Variants in HIPK3 observed in about 807,000 individuals in gnomAD.
HIPK3 encodes homeodomain interacting protein kinase 3.
In HIPK3, 47 loss-of-function variants were observed where a neutral mutation model predicts 124.2. The observed-to-expected ratio is 0.38, with a 90% CI of 0.30 to 0.48. HIPK3 has a LOEUF of 0.48. Among genes scored for constraint, HIPK3 ranks in the 20% least tolerant of loss-of-function variants. The probability of loss-of-function intolerance (pLI) is 0.98; values close to 1 mark genes in which losing one functional copy is unlikely to be tolerated. For synonymous variants in HIPK3, 482 were observed against 515.2 expected, an observed-to-expected ratio of 0.94 and a Z score of 0.87; for missense variants, 1,286 against 1,454.3, an observed-to-expected ratio of 0.88 and a Z score of 1.88.
chr11:33,265,264 A>G (rs1435878747), intron 1 of HIPK3, among the ~76,000 whole-genome samples: 15 of 152,156 alleles, frequency 9.9e-5, no homozygotes, highest in Non-Finnish European at 1.3e-4. Context: ...CTAATAAGAC[A>G]TTTTCAATGG....
intron 1 of HIPK3, among the ~76,000 whole-genome samples, chr11:33,263,788 C>A (rs954280709): frequency 2.6e-5 from 4 of 152,170 alleles, no homozygotes; most frequent in African/African-American, 9.7e-5. Flanking sequence ...CCAACCCCTT[C>A]CTCTTTCTGT....
chr11:33,348,284 G>A (rs1565098716), intron 12 of HIPK3, 56 bp downstream of exon 12: 4 of 1,487,526 alleles, frequency 2.7e-6, no homozygotes, highest in East Asian at 4.5e-5. Flanking sequence ...TGTAGCAATT[G>A]TGGACATTCA....
At position 33,348,216 on chromosome 11, in the gene HIPK3, A is replaced by G; in HGVS notation, c.2357A>G (p.Asn786Ser). 1.9e-6 allele frequency: 3 copies of G among 1,613,668 alleles called. No homozygotes were observed. The highest frequency in any genetic ancestry group is 2.5e-6 in the Non-Finnish European group (3 of 1,179,654). ...TGGGAGCCAGGAAGAGAGGAAATAA[A>G]TGCTTTCAGTTGGTAAGATTGTCTT... is the stretch of plus-strand genomic sequence containing the variant. ...MEWEPGREEI[N>S]AFSWSNSLQN... is the part of the protein sequence containing the mutation. Residue 786 changes from asparagine (N) to serine (S), a missense_variant, in exon 12 of 17, where the codon AAT becomes AGT. Transcript: ENST00000303296.
intron 1 of HIPK3, among the ~76,000 whole-genome samples, chr11:33,279,840 C>G (rs1315146784): frequency 6.6e-6 from 1 of 152,008 alleles, no homozygotes; most frequent in African/African-American, 2.4e-5. Flanking sequence ...AAAGATGGCG[C>G]CCTTTTGCTG....
At chr11:33,258,669 G>A (rs993762464) in intron 1 of HIPK3, 156 of 985,286 alleles carry the variant, frequency 1.6e-4, no homozygotes, top group Non-Finnish European at 4.8e-5. Context: ...TCTGTCGGGA[G>A]GGAGACGGCT....
At chr11:33,352,097 A>G (rs1417064993) in intron 15 of HIPK3, 41 bp from the exon 16 acceptor site, 2 of 1,569,468 alleles carry the variant, frequency 1.3e-6, no homozygotes, top group Non-Finnish European at 1.7e-6. Flanking sequence ...TTATTTGAAA[A>G]GGAAAAAGCA....
intron 1 of HIPK3, among the ~76,000 whole-genome samples, chr11:33,284,230 A>G (rs905004409): frequency 6.6e-6 from 1 of 152,104 alleles, no homozygotes; most frequent in Non-Finnish European, 1.5e-5. Context: ...AGATATTTCA[A>G]CCAACCAACA....
At chr11:33,339,253 C>T (rs1205955842) in intron 5 of HIPK3, 97 bp from the exon 6 acceptor site, 4 of 829,068 alleles carry the variant, frequency 4.8e-6, no homozygotes, top group South Asian at 1.8e-5. Context: ...CTCTCCTCTC[C>T]TGTGTTGTGA....
rs1853758365 is a variant in HIPK3 at position 33,354,356 on chromosome 11, A to T, written c.*788A>T. ...GAATGATCTAGCTTCAAGAAAAGCAAGCAGTTAGTAGTGCTTAAGAAAAAT... is the reference window on the plus strand; with the variant it reads ...GAATGATCTAGCTTCAAGAAAAGCATGCAGTTAGTAGTGCTTAAGAAAAAT... On this transcript the variant is annotated 3_prime_UTR_variant, in exon 17 of 17. Transcript: ENST00000303296. 1 of 152,642 alleles carries T rather than the reference A, an allele frequency of 6.6e-6. No homozygotes were observed. Among genetic ancestry groups the T allele is most frequent in the African/African-American group, 2.4e-5 (1 of 41,452 alleles). The allele number at this position is 152,642 out of a possible 1,614,324, so 9.5% of individuals were successfully genotyped here.
rs187385770 is a variant in HIPK3, at chr11:33,293,240, A to G, written c.1097+5729A>G. On this transcript the variant is annotated intron_variant, in intron 2 of 16. Coordinates refer to ENST00000303296, the MANE Select transcript of HIPK3 (RefSeq NM_005734.5). ...ATATAATCTACATACCTTGAAATTC[A>G]TTCATTTAAGTATACAATTTAATGG... 6.6e-5 allele frequency among the ~76,000 whole-genome samples: 10 copies of G among 152,222 alleles called. No homozygotes were observed. The East Asian group carries it at 1.3e-3, about 21-fold the overall frequency.
At chr11:33,348,885 T>C in intron 13 of HIPK3, 67 bp downstream of exon 13, 1 of 1,412,540 alleles carries the variant, frequency 7.1e-7, no homozygotes, top group African/African-American at 1.4e-5. Context: ...AAAAACAACT[T>C]TCTGTGACTT....
intron 2 of HIPK3, among the ~76,000 whole-genome samples, chr11:33,295,645 G>T (rs1272773422): frequency 1.3e-5 from 2 of 152,182 alleles, no homozygotes; most frequent in African/African-American, 2.4e-5. Context: ...CTTTTGAAGC[G>T]TACTGGCCAG....
chr11:33,330,662 A>G (rs1852950790), intron 3 of HIPK3, among the ~76,000 whole-genome samples: 2 of 152,184 alleles, frequency 1.3e-5, no homozygotes, highest in Non-Finnish European at 2.9e-5. Context: ...TACAAAATAC[A>G]TGAATGCAAA....
intron 1 of HIPK3, among the ~76,000 whole-genome samples, chr11:33,258,154 G>A (rs1042866201): frequency 2.0e-5 from 3 of 152,070 alleles, no homozygotes; most frequent in African/African-American, 7.2e-5. Flanking sequence ...CGCCGGACGC[G>A]GGGGCCGTAG....
At chr11:33,349,081 A>G (rs921024229) in intron 13 of HIPK3, 66 bp from the exon 14 acceptor site, 2 of 1,423,674 alleles carry the variant, frequency 1.4e-6, no homozygotes, top group African/African-American at 2.9e-5. Flanking sequence ...AAGAATATAA[A>G]TTTTGGCTAT....
intron 2 of HIPK3, among the ~76,000 whole-genome samples, chr11:33,317,907 A>G (rs556162716): frequency 1.6e-4 from 24 of 152,318 alleles, no homozygotes; most frequent in South Asian, 1.2e-3. Context: ...TGCCTCTGTA[A>G]AAAGATGTTA....
At chr11:33,259,146 T>A (rs775162496) in intron 1 of HIPK3, among the ~76,000 whole-genome samples, 1 of 152,212 alleles carries the variant, frequency 6.6e-6, no homozygotes, top group Non-Finnish European at 1.5e-5. Context: ...GGAGTACTTA[T>A]ATTCATTCAA....
chr11:33,287,834 C>A (rs1035165242), intron 2 of HIPK3, among the ~76,000 whole-genome samples: 1 of 152,064 alleles, frequency 6.6e-6, no homozygotes, highest in Non-Finnish European at 1.5e-5. Flanking sequence ...TTACATTAAT[C>A]TTTGTATATA....
intron 1 of HIPK3, among the ~76,000 whole-genome samples, chr11:33,270,412 A>G (rs761687215): frequency 1.1e-4 from 17 of 150,032 alleles, no homozygotes; most frequent in Non-Finnish European, 2.2e-4. Context: ...GGGTTCAAGC[A>G]ATTCTCTTGC....
Sources: allele counts gnomAD v4.1 joint callset (sites outside exome capture counted in the v4.1 genomes callset), GRCh38; gene constraint gnomAD v4.1.1; transcripts MANE v1.5; gene names NCBI Gene and HGNC (gene_info 2026-07-23, HGNC 2026-07-21).